EXOC6B: variants seen among roughly 807,000 people sequenced by gnomAD.
EXOC6B encodes the protein SEC15 homolog B.
A neutral mutation model predicts 113.5 loss-of-function variants in EXOC6B; 54 were observed. The observed-to-expected ratio is 0.48, with a 90% CI of 0.38 to 0.60. EXOC6B has a LOEUF of 0.60. EXOC6B is among the 20% of genes least tolerant of loss of function. The pLI, the probability that EXOC6B is intolerant of heterozygous loss-of-function variation, is 0.00. For synonymous variants in EXOC6B, 357 were observed against 339.0 expected (o/e 1.05, Z -0.58); for missense variants, 797 against 977.5 (o/e 0.82, Z 2.46).
chr2:72,482,832 T>A (rs1699183293), intron 16 of EXOC6B, among the ~76,000 whole-genome samples: 1 of 152,176 alleles, frequency 6.6e-6, no homozygotes, highest in Admixed American at 6.5e-5. Context: ...AGGATCATCC[T>A]GACAATCTTA....
intron 20 of EXOC6B, among the ~76,000 whole-genome samples, chr2:72,208,580 A>C (rs562436456): frequency 6.6e-6 from 1 of 152,162 alleles, no homozygotes; most frequent in South Asian, 2.1e-4. Flanking sequence ...AGAATGATTT[A>C]TTTTCCTTTA....
At chr2:72,738,968 T>C (rs1573718304) in intron 2 of EXOC6B, among the ~76,000 whole-genome samples, 1 of 152,368 alleles carries the variant, frequency 6.6e-6, no homozygotes, top group East Asian at 1.9e-4. Flanking sequence ...TAATCTTCTT[T>C]AATGCTTATT....
chr2:72,290,064 T>C (rs1685690309), intron 20 of EXOC6B, among the ~76,000 whole-genome samples: 1 of 152,210 alleles, frequency 6.6e-6, no homozygotes, highest in South Asian at 2.1e-4. Context: ...TCACTTTTCC[T>C]GGGTCTCAAG....
chr2:72,500,191 T>C (rs984665514), intron 11 of EXOC6B, among the ~76,000 whole-genome samples: 23 of 152,182 alleles, frequency 1.5e-4, no homozygotes, highest in Non-Finnish European at 3.1e-4. Context: ...TCTATATTTT[T>C]AACACTTGGG....
intron 18 of EXOC6B, among the ~76,000 whole-genome samples, chr2:72,448,920 A>C (rs538286920): frequency 1.3e-5 from 2 of 152,202 alleles, no homozygotes; most frequent in African/African-American, 4.8e-5. Context: ...GGGCCGATAG[A>C]GAGTGTCATT....
At chr2:72,423,002 C>A (rs1444020935) in intron 18 of EXOC6B, among the ~76,000 whole-genome samples, 2 of 151,884 alleles carry the variant, frequency 1.3e-5, no homozygotes, top group East Asian at 3.9e-4. Context: ...CCCCTTCCAC[C>A]CTGTGGAAGC....
At chr2:72,431,485 T>TATCTATCTATC (rs1695517269) in intron 18 of EXOC6B, among the ~76,000 whole-genome samples, 4 of 133,784 alleles carry the variant, frequency 3.0e-5, no homozygotes, top group African/African-American at 1.2e-4. Flanking sequence ...CTTGATTTCT[T>TATCTATCTATC]TATCTATCTA....
At chr2:72,186,133 T>A (rs375809947) in intron 20 of EXOC6B, among the ~76,000 whole-genome samples, 31 of 152,224 alleles carry the variant, frequency 2.0e-4, no homozygotes, top group East Asian at 1.2e-3. Context: ...ATTTTCTTAA[T>A]CCAGTCTATC....
chr2:72,427,544 C>T (rs1695271985), intron 18 of EXOC6B, among the ~76,000 whole-genome samples: 1 of 152,234 alleles, frequency 6.6e-6, no homozygotes, highest in Non-Finnish European at 1.5e-5. Context: ...GCAGCACTGA[C>T]ACGCCAGCCC....
chr2:72,619,168 A>G (rs959917830), intron 6 of EXOC6B, among the ~76,000 whole-genome samples: 2 of 151,460 alleles, frequency 1.3e-5, no homozygotes, highest in African/African-American at 4.9e-5. Context: ...AAAGACAGAG[A>G]AATACACAGC....
In EXOC6B at chr2:72,397,141, G is replaced by A. The variant is rs529513466; in HGVS notation, c.1981-17271C>T. On this transcript the variant is annotated intron_variant, in intron 18 of 21. Transcript: ENST00000272427. ...TTTGAAAGTACCAACTCCTGTAGAA[G>A]CTCTTTTGTCTCTTTCTCCTCTTCC... Among the ~76,000 whole-genome samples the A allele has an allele frequency of 3.3e-5, 5 of 152,202 alleles. No homozygotes were observed. In the South Asian group the frequency reaches 1.0e-3, roughly 32 times the overall value.
intron 20 of EXOC6B, among the ~76,000 whole-genome samples, chr2:72,216,214 A>G (rs980682672): frequency 6.6e-6 from 1 of 152,220 alleles, no homozygotes; most frequent in Non-Finnish European, 1.5e-5. Flanking sequence ...GGGAAGACTT[A>G]AAACAAGAAT....
At chr2:72,529,889 T>C (rs549721556) in intron 8 of EXOC6B, among the ~76,000 whole-genome samples, 24 of 152,358 alleles carry the variant, frequency 1.6e-4, no homozygotes, top group African/African-American at 5.5e-4. Flanking sequence ...CAATGTCTTT[T>C]ACACTGTCAA....
chr2:72,457,681 G>A (rs952366222), intron 18 of EXOC6B, among the ~76,000 whole-genome samples: 2 of 151,948 alleles, frequency 1.3e-5, no homozygotes, highest in Admixed American at 6.6e-5. Flanking sequence ...GTATGCAATT[G>A]TAAATTATAC....
At chr2:72,581,187 C>T (rs1278750761) in intron 6 of EXOC6B, among the ~76,000 whole-genome samples, 2 of 152,190 alleles carry the variant, frequency 1.3e-5, no homozygotes, top group East Asian at 3.9e-4. Context: ...GATGCCACTT[C>T]AAGTCTCACC....
chr2:72,660,491 G>GTT (rs1379519944), intron 6 of EXOC6B, among the ~76,000 whole-genome samples: 2 of 152,094 alleles, frequency 1.3e-5, no homozygotes, highest in Non-Finnish European at 2.9e-5. Flanking sequence ...ACAAAACTTT[G>GTT]TCTCCACCAA....
At chr2:72,707,146 C>A (rs902651208) in intron 6 of EXOC6B, among the ~76,000 whole-genome samples, 1 of 152,236 alleles carries the variant, frequency 6.6e-6, no homozygotes, top group East Asian at 1.9e-4. Flanking sequence ...AAATTCCTGA[C>A]CCACAGATTT....
chr2:72,770,353 G>A (rs993407189), intron 1 of EXOC6B, among the ~76,000 whole-genome samples: 1 of 152,044 alleles, frequency 6.6e-6, no homozygotes, highest in African/African-American at 2.4e-5. Context: ...TCAACTACAG[G>A]TCTACAATCC....
At chr2:72,712,926 T>C (rs1424933498) in intron 6 of EXOC6B, among the ~76,000 whole-genome samples, 1 of 152,184 alleles carries the variant, frequency 6.6e-6, no homozygotes, top group East Asian at 1.9e-4. Flanking sequence ...AGTGATAAAG[T>C]TCTATATAAA....
Sources: allele counts gnomAD v4.1 joint callset (sites outside exome capture counted in the v4.1 genomes callset), GRCh38; gene constraint gnomAD v4.1.1; transcripts MANE v1.5; gene names NCBI Gene and HGNC (gene_info 2026-07-23, HGNC 2026-07-21).